CADM2: variants seen among roughly 807,000 people sequenced by gnomAD.
The protein encoded by CADM2 is cell adhesion molecule 2, also known as immunoglobulin superfamily member 4D.
CADM2 carries 12 observed loss-of-function variants against 49.8 expected under a neutral mutation model. The ratio of observed to expected loss-of-function variants is 0.24; its 90% confidence interval spans 0.15 to 0.39. CADM2 has a LOEUF of 0.39. Ranked by LOEUF, CADM2 falls within the 10% of genes least tolerant of loss-of-function variation. The pLI, the probability that CADM2 is intolerant of heterozygous loss-of-function variation, is 1.00. For missense variants in CADM2, 378 were observed against 492.3 expected, an observed-to-expected ratio of 0.77 and a Z score of 2.20; for synonymous variants, 214 against 175.4, an observed-to-expected ratio of 1.22 and a Z score of -1.74.
chr3:85,555,520 G>A (rs1031953811), intron 1 of CADM2, among the ~76,000 whole-genome samples: 1 of 152,014 alleles, frequency 6.6e-6, no homozygotes, highest in South Asian at 2.1e-4. Context: ...ATAATCAAAA[G>A]TAATTATATT....
chr3:85,070,997 A>C (rs993003101), intron 1 of CADM2, among the ~76,000 whole-genome samples: 5 of 149,530 alleles, frequency 3.3e-5, no homozygotes, highest in African/African-American at 1.2e-4. Flanking sequence ...TCAATAAATA[A>C]ATAAATAAAT....
chr3:86,064,045 T>A (rs560836677), intron 8 of CADM2, among the ~76,000 whole-genome samples: 25 of 151,442 alleles, frequency 1.7e-4, no homozygotes, highest in East Asian at 3.9e-4. Context: ...TCTTTTTTTT[T>A]AATATATATA....
intron 1 of CADM2, among the ~76,000 whole-genome samples, chr3:85,148,537 C>T (rs1281564718): frequency 6.6e-6 from 1 of 151,836 alleles, no homozygotes; most frequent in African/African-American, 2.4e-5. Context: ...TTTATAGTAT[C>T]CTGAATGTTA....
intron 3 of CADM2, among the ~76,000 whole-genome samples, chr3:85,823,252 C>T (rs956093584): frequency 2.6e-5 from 4 of 152,060 alleles, no homozygotes; most frequent in African/African-American, 9.7e-5. Context: ...AATGAATTAG[C>T]TTTTACATAC....
intron 1 of CADM2, among the ~76,000 whole-genome samples, chr3:85,134,237 C>G (rs2107615810): frequency 6.6e-6 from 1 of 152,342 alleles, no homozygotes; most frequent in South Asian, 2.1e-4. Context: ...CCCGCTCGCG[C>G]GTCTCCCTCC....
chr3:85,310,621 A>G (rs1277555016), intron 1 of CADM2, among the ~76,000 whole-genome samples: 1 of 152,188 alleles, frequency 6.6e-6, no homozygotes. Context: ...CTTGGAGCAA[A>G]TATGTTCTGG....
At chr3:85,398,225 C>A (rs56830678) in intron 1 of CADM2, among the ~76,000 whole-genome samples, 1,772 of 151,786 alleles carry the variant, frequency 0.012, 28 homozygotes, top group African/African-American at 0.041. Flanking sequence ...TCTCATTGTT[C>A]GATTCCCACC....
chr3:85,802,373 A>T (rs1049158718), intron 3 of CADM2, among the ~76,000 whole-genome samples, 177 bp downstream of exon 3: 4 of 152,114 alleles, frequency 2.6e-5, no homozygotes, highest in Non-Finnish European at 5.9e-5. Context: ...ACCAAAGATA[A>T]CCTATGTCAA....
At chr3:86,054,019 C>T (rs2107341751) in intron 8 of CADM2, among the ~76,000 whole-genome samples, 1 of 152,054 alleles carries the variant, frequency 6.6e-6, no homozygotes, top group Non-Finnish European at 1.5e-5. Context: ...AGTAACATAT[C>T]TGTCATATAG....
chr3:85,421,791 G>T lies in CADM2; in HGVS notation c.62-304731G>T, dbSNP rs531587004. Among the ~76,000 whole-genome samples, 276 of 152,308 alleles carry T rather than the reference G, an allele frequency of 1.8e-3. 1 individual carries two copies. Among genetic ancestry groups the T allele is most frequent in the Non-Finnish European group, 3.1e-3 (214 of 68,024 alleles). ...TAATTTGAATCGAGCAGCTTACAAA[G>T]CAAGAAAGAAAAGGGCAGCAATTAC... On this transcript the variant is annotated intron_variant, in intron 1 of 9. Coordinates refer to ENST00000383699, the MANE Select transcript of CADM2 (RefSeq NM_001167675.2).
At chr3:85,756,422 C>T (rs2069125801) in intron 2 of CADM2, among the ~76,000 whole-genome samples, 1 of 152,140 alleles carries the variant, frequency 6.6e-6, no homozygotes, top group Non-Finnish European at 1.5e-5. Context: ...TATACATGAT[C>T]ATTGGCTCTC....
intron 7 of CADM2, among the ~76,000 whole-genome samples, chr3:85,955,205 T>G (rs1022778999): frequency 3.3e-5 from 5 of 151,368 alleles, no homozygotes; most frequent in African/African-American, 1.2e-4. Context: ...AAAGGTGACT[T>G]TTTTTTCATC....
At chr3:85,180,536 A>G (rs2040907883) in intron 1 of CADM2, among the ~76,000 whole-genome samples, 1 of 150,488 alleles carries the variant, frequency 6.6e-6, no homozygotes, top group Non-Finnish European at 1.5e-5. Flanking sequence ...AAAAAAAAAA[A>G]AGAGAAGGAG....
At chr3:85,685,463 G>A (rs1017382767) in intron 1 of CADM2, among the ~76,000 whole-genome samples, 5 of 152,066 alleles carry the variant, frequency 3.3e-5, no homozygotes, top group Non-Finnish European at 7.4e-5. Context: ...TGTATTGTGT[G>A]GGGGCAGAAG....
At chr3:85,939,125 T>C (rs968623251) in intron 7 of CADM2, among the ~76,000 whole-genome samples, 1 of 151,974 alleles carries the variant, frequency 6.6e-6, no homozygotes, top group South Asian at 2.1e-4. Flanking sequence ...GTTTTCCTTG[T>C]TCTAAATGTG....
chr3:85,467,901 TC>T (rs1415737875), intron 1 of CADM2, among the ~76,000 whole-genome samples: 3 of 152,132 alleles, frequency 2.0e-5, no homozygotes, highest in African/African-American at 4.8e-5. Context: ...GCGCCTGTAA[TC>T]CCAGCACTTT....
intron 1 of CADM2, among the ~76,000 whole-genome samples, chr3:85,083,588 G>A (rs548803080): frequency 5.9e-5 from 9 of 152,038 alleles, no homozygotes; most frequent in Non-Finnish European, 1.2e-4. Context: ...ATGAAGATCC[G>A]ATTAAGGATG....
At chr3:84,961,126 A>G (rs764834018) in intron 1 of CADM2, among the ~76,000 whole-genome samples, 1 of 152,104 alleles carries the variant, frequency 6.6e-6, no homozygotes, top group Non-Finnish European at 1.5e-5. Flanking sequence ...AAAGTAAGAC[A>G]CACGTAGACT....
chr3:85,845,167 A>AC lies in CADM2; in HGVS notation c.239-38124_239-38123insC, dbSNP rs1379514515. 1.1e-4 allele frequency among the ~76,000 whole-genome samples: 16 copies of AC among 151,742 alleles called. No homozygotes were observed. The Middle Eastern group carries it at 0.01, about 97-fold the overall frequency. ...TGAGACTTAGTCACAAAAAAAAAAAAAAAAAAAGAAGAGCAAAGAAAAGAA... is the reference window on the plus strand; with the variant it reads ...TGAGACTTAGTCACAAAAAAAAAAAACAAAAAAAGAAGAGCAAAGAAAAGAA... On this transcript the variant is annotated intron_variant, in intron 3 of 9. Coordinates refer to ENST00000383699, the MANE Select transcript of CADM2 (RefSeq NM_001167675.2).
Sources: allele counts gnomAD v4.1 joint callset (sites outside exome capture counted in the v4.1 genomes callset), GRCh38; gene constraint gnomAD v4.1.1; transcripts MANE v1.5; gene names NCBI Gene and HGNC (gene_info 2026-07-23, HGNC 2026-07-21).